The following PPARGC1A variants were observed in gnomAD, a reference collection of about 807,000 sequenced individuals.
PPARGC1A encodes peroxisome proliferator-activated receptor gamma coactivator 1-alpha.
A neutral mutation model predicts 88.7 loss-of-function variants in PPARGC1A; 25 were observed. That is an observed-to-expected ratio of 0.28 (90% CI 0.21 to 0.39). PPARGC1A has a LOEUF of 0.39. Among genes scored for constraint, PPARGC1A ranks in the 10% least tolerant of loss-of-function variants. The probability of loss-of-function intolerance (pLI) is 1.00; values close to 1 mark genes in which losing one functional copy is unlikely to be tolerated. For missense variants in PPARGC1A, 880 were observed against 968.7 expected (o/e 0.91, Z 1.22); for synonymous variants, 363 against 355.6 (o/e 1.02, Z -0.24).
At chr4:24,317,971 G>A in the PPARGC1A span, among the ~76,000 whole-genome samples, 1 of 152,204 alleles carries the variant, frequency 6.6e-6, no homozygotes, top group Admixed American at 6.5e-5. Context: ...AGGCAAGTCG[G>A]TAACTATGGG....
At chr4:23,954,114 C>T in the PPARGC1A span, among the ~76,000 whole-genome samples, 1 of 151,858 alleles carries the variant, frequency 6.6e-6, no homozygotes, top group South Asian at 2.1e-4. Context: ...GCTTTATCAA[C>T]CAAGCTGAAA....
chr4:24,004,143 C>G, the PPARGC1A span, among the ~76,000 whole-genome samples: 1 of 152,132 alleles, frequency 6.6e-6, no homozygotes, highest in East Asian at 1.9e-4. Context: ...TTGGAATTCA[C>G]GCCATCTGTG....
chr4:23,803,098 G>A (rs1166473365), intron 10 of PPARGC1A, among the ~76,000 whole-genome samples: 2 of 152,086 alleles, frequency 1.3e-5, no homozygotes, highest in African/African-American at 4.8e-5. Context: ...TTCTAATACT[G>A]AGATGAACAA....
the PPARGC1A span, among the ~76,000 whole-genome samples, chr4:24,373,150 C>T: frequency 6.6e-6 from 1 of 152,146 alleles, no homozygotes. Context: ...AGGCCAGTCC[C>T]GGACTCCTGC....
the PPARGC1A span, among the ~76,000 whole-genome samples, chr4:24,071,178 C>G: frequency 6.6e-6 from 1 of 152,054 alleles, no homozygotes; most frequent in African/African-American, 2.4e-5. Flanking sequence ...ACTTACCATC[C>G]CCACCTCAGT....
chr4:23,841,576 T>C (rs1352141446), intron 2 of PPARGC1A, among the ~76,000 whole-genome samples: 3 of 151,994 alleles, frequency 2.0e-5, no homozygotes, highest in Admixed American at 2.0e-4. Context: ...AGCAGCCAAA[T>C]TGAATCGTTT....
chr4:24,437,336 A>G, the PPARGC1A span, among the ~76,000 whole-genome samples: 1 of 152,206 alleles, frequency 6.6e-6, no homozygotes, highest in Non-Finnish European at 1.5e-5. Context: ...TGGGGTGGTC[A>G]GGGAGGTGCT....
the PPARGC1A span, among the ~76,000 whole-genome samples, chr4:24,058,462 C>T: frequency 2.6e-5 from 4 of 152,200 alleles, no homozygotes; most frequent in Admixed American, 2.0e-4. Flanking sequence ...TAATTTACTT[C>T]TGCCGCCTAC....
chr4:24,263,628 A>T, the PPARGC1A span, among the ~76,000 whole-genome samples: 2 of 152,130 alleles, frequency 1.3e-5, no homozygotes, highest in Non-Finnish European at 2.9e-5. Flanking sequence ...CGTACCTGAG[A>T]CAGCAAGACC....
chr4:24,062,522 C>T, the PPARGC1A span, among the ~76,000 whole-genome samples: 2 of 152,202 alleles, frequency 1.3e-5, no homozygotes, highest in African/African-American at 2.4e-5. Context: ...TGCAGCAGCT[C>T]ATCTCACAAT....
At chr4:23,836,261 G>A (rs1048457610) in intron 2 of PPARGC1A, among the ~76,000 whole-genome samples, 1 of 152,154 alleles carries the variant, frequency 6.6e-6, no homozygotes, top group Non-Finnish European at 1.5e-5. Context: ...CAGCAGAGGC[G>A]GAAGGAAAGG....
rs1238463561 is a variant in PPARGC1A, at chr4:23,814,570, T to C, written c.913A>G (p.Asn305Asp). Residue 305 changes from asparagine (N) to aspartate (D), a missense_variant, in exon 8 of 13, where the codon AAC (asparagine) becomes GAC (aspartate). Asn to Asp is a conservative substitution (Grantham distance 23). Transcript: ENST00000264867. Reference protein sequence around the residue: ...TPPTTPPHKANQDNPFRASPK... With the variant: ...TPPTTPPHKADQDNPFRASPK... ...GAAGCCCTAAAAGGGTTATCTTGGT[T>C]GGCTTTATGAGGAGGAGTGGTGGGT... 1 of 1,608,646 alleles carries C rather than the reference T, an allele frequency of 6.2e-7. No individual in the cohort carries two copies. The highest frequency in any genetic ancestry group is 2.2e-5 in the East Asian group (1 of 44,776).
rs563352037 is a variant in PPARGC1A, at chr4:23,837,637, G to A, written c.235-5886C>T. Among the ~76,000 whole-genome samples the A allele has an allele frequency of 4.7e-3, 723 of 152,240 alleles. 6 individuals carry two copies. Among genetic ancestry groups the A allele is most frequent in the African/African-American group, 0.017 (691 of 41,548 alleles). On this transcript the variant is annotated intron_variant, in intron 2 of 12. Transcript: ENST00000264867. Reference sequence around the variant, plus strand: ...AAGACAAAATTAACTCCTACTTTAAGTGAGGCCTAATTAGGAAAGGAAATC... The same window carrying A: ...AAGACAAAATTAACTCCTACTTTAAATGAGGCCTAATTAGGAAAGGAAATC...
the PPARGC1A span, among the ~76,000 whole-genome samples, chr4:24,427,956 A>T: frequency 0.011 from 1,657 of 151,922 alleles, 27 homozygotes; most frequent in East Asian, 0.063. Flanking sequence ...ATAAAAAAAA[A>T]TTTTTTTAAT....
intron 2 of PPARGC1A, among the ~76,000 whole-genome samples, chr4:23,842,551 C>T (rs748026537): frequency 2.0e-5 from 3 of 152,122 alleles, no homozygotes; most frequent in Non-Finnish European, 2.9e-5. Context: ...TGGGCTGCAG[C>T]ACTGTTGACA....
chr4:24,034,917 T>TGAAGA, the PPARGC1A span, among the ~76,000 whole-genome samples: 2 of 144,742 alleles, frequency 1.4e-5, no homozygotes, highest in African/African-American at 2.5e-5. Context: ...AAAGCTGCTT[T>TGAAGA]GAAGACAATG....
chr4:24,123,922 A>G, the PPARGC1A span, among the ~76,000 whole-genome samples: 1 of 151,684 alleles, frequency 6.6e-6, no homozygotes, highest in Non-Finnish European at 1.5e-5. Flanking sequence ...AAAAAAAAAA[A>G]AAACAAAAAA....
At chr4:24,049,523 C>T in the PPARGC1A span, among the ~76,000 whole-genome samples, 1 of 151,592 alleles carries the variant, frequency 6.6e-6, no homozygotes. Context: ...TCTTAAAGGG[C>T]ATGGAAATTG....
At chr4:24,076,383 T>C in the PPARGC1A span, among the ~76,000 whole-genome samples, 8 of 152,178 alleles carry the variant, frequency 5.3e-5, no homozygotes, top group African/African-American at 1.4e-4. Flanking sequence ...AATTCATATA[T>C]ACATTCTGCC....
Sources: allele counts gnomAD v4.1 joint callset (sites outside exome capture counted in the v4.1 genomes callset), GRCh38; gene constraint gnomAD v4.1.1; transcripts MANE v1.5; gene names NCBI Gene and HGNC (gene_info 2026-07-23, HGNC 2026-07-21).